P2RY8: variants seen among roughly 807,000 people sequenced by gnomAD.
P2RY8 encodes S-geranylgeranyl-glutathione receptor P2RY8.
In P2RY8, 6 loss-of-function variants were observed where a neutral mutation model predicts 10.0. The ratio of observed to expected loss-of-function variants is 0.60; its 90% CI spans 0.33 to 1.19. The LOEUF is 1.19. P2RY8 is among the 50% of genes most tolerant of loss of function. The probability of loss-of-function intolerance (pLI) is 0.04; values close to 1 mark genes in which losing one functional copy is unlikely to be tolerated. For missense variants in P2RY8, 456 were observed against 542.0 expected, an observed-to-expected ratio of 0.84 and a Z score of 1.58; for synonymous variants, 276 against 252.5, an observed-to-expected ratio of 1.09 and a Z score of -0.88.
At chrX:1,467,197 C>G (rs562529988) in intron 1 of P2RY8, among the ~76,000 whole-genome samples, 2 of 152,238 alleles carry the variant, frequency 1.3e-5, no homozygotes, top group South Asian at 4.1e-4. Context: ...AACACACACT[C>G]CGAGTGCCAG....
At chrX:1,515,693 C>T (rs1425677529) in intron 1 of P2RY8, among the ~76,000 whole-genome samples, 1 of 151,728 alleles carries the variant, frequency 6.6e-6, no homozygotes, top group Non-Finnish European at 1.5e-5. Flanking sequence ...TTCATCACCC[C>T]AAAAAGAAAT....
At position 1,533,626 on chromosome X, in the gene P2RY8, ATTATTATTTACATAT is replaced by A. The variant is rs1260025071; in HGVS notation, c.-25+3280_-25+3294del. 1.8e-3 allele frequency among the ~76,000 whole-genome samples: 210 copies of A among 117,310 alleles called. 2 individuals carry two copies. Among genetic ancestry groups the A allele is most frequent in the Middle Eastern group, 0.016 (2 of 122 alleles). The allele number at this position is 117,310 out of a possible 152,430, so 77.0% of individuals were successfully genotyped here. On this transcript the variant is annotated intron_variant, in intron 1 of 1. Coordinates refer to ENST00000381297, the MANE Select transcript of P2RY8 (RefSeq NM_178129.5). ...ATTTAAATATATTATATATTTATAT[ATTATTATTTACATAT>A]TTATTATTTACATATTTATTATTTA... is the stretch of plus-strand genomic sequence containing the variant.
At chrX:1,480,055 T>C (rs2149383768) in intron 1 of P2RY8, among the ~76,000 whole-genome samples, 1 of 152,210 alleles carries the variant, frequency 6.6e-6, no homozygotes, top group Admixed American at 6.5e-5. Context: ...TTCCCCAACA[T>C]TTAAGGAAGA....
intron 1 of P2RY8, among the ~76,000 whole-genome samples, chrX:1,533,111 A>G (rs1163502375): frequency 6.6e-6 from 1 of 150,636 alleles, no homozygotes; most frequent in Non-Finnish European, 1.5e-5. Flanking sequence ...GATGAGGGAT[A>G]AAAGGCCACA....
chrX:1,482,173 G>C (rs1412926584), intron 1 of P2RY8, among the ~76,000 whole-genome samples: 14 of 148,234 alleles, frequency 9.4e-5, no homozygotes, highest in African/African-American at 3.4e-4. Flanking sequence ...GTGTGTGTGT[G>C]TGTGTGTGTG....
intron 1 of P2RY8, among the ~76,000 whole-genome samples, chrX:1,520,946 G>C (rs1450537800): frequency 6.6e-6 from 1 of 150,428 alleles, no homozygotes; most frequent in East Asian, 2.0e-4. Context: ...TTATCTTCCT[G>C]GTCCCCAATC....
intron 1 of P2RY8, among the ~76,000 whole-genome samples, chrX:1,480,117 A>T (rs766835789): frequency 6.6e-6 from 1 of 152,312 alleles, no homozygotes; most frequent in Non-Finnish European, 1.5e-5. Context: ...CACAGGGAAT[A>T]TCACCAAATA....
chrX:1,517,604 G>A (rs2092360653), intron 1 of P2RY8, among the ~76,000 whole-genome samples: 1 of 152,184 alleles, frequency 6.6e-6, no homozygotes, highest in Non-Finnish European at 1.5e-5. Flanking sequence ...TCTGCAGTGA[G>A]TGAGTCTGTT....
At chrX:1,530,313 C>T (rs1227973182) in intron 1 of P2RY8, among the ~76,000 whole-genome samples, 6 of 148,496 alleles carry the variant, frequency 4.0e-5, no homozygotes, top group African/African-American at 1.5e-4. Flanking sequence ...ATCTATCTGT[C>T]ATCTATCTAT....
chrX:1,482,935 G>T (rs1470291480), intron 1 of P2RY8, among the ~76,000 whole-genome samples: 12 of 151,256 alleles, frequency 7.9e-5, no homozygotes, highest in Non-Finnish European at 1.6e-4. Context: ...ACACACCGGG[G>T]ACTGTTGTGG....
chrX:1,467,403 G>C (rs1316435846), intron 1 of P2RY8, among the ~76,000 whole-genome samples: 1 of 152,122 alleles, frequency 6.6e-6, no homozygotes, highest in Non-Finnish European at 1.5e-5. Context: ...CTGACCCGCC[G>C]GTCCGTGCCC....
intron 1 of P2RY8, among the ~76,000 whole-genome samples, chrX:1,489,787 A>G (rs1294437344): frequency 7.5e-6 from 1 of 133,204 alleles, no homozygotes; most frequent in Non-Finnish European, 1.6e-5. Context: ...TGTAGAGAGA[A>G]TGAATGAATG....
chrX:1,524,673 C>T (rs867188575), intron 1 of P2RY8, among the ~76,000 whole-genome samples: 1,676 of 111,962 alleles, frequency 0.015, 192 homozygotes, highest in African/African-American at 0.053. Flanking sequence ...ATCCATTCAT[C>T]CATCCATCCA....
At chrX:1,501,123 G>C (rs1413902110) in intron 1 of P2RY8, among the ~76,000 whole-genome samples, 15 of 152,148 alleles carry the variant, frequency 9.9e-5, no homozygotes, top group Non-Finnish European at 2.2e-4. Context: ...ATCTTCCAAA[G>C]CTCACAGAGC....
At chrX:1,483,574 C>T (rs1195228268) in intron 1 of P2RY8, among the ~76,000 whole-genome samples, 5 of 152,026 alleles carry the variant, frequency 3.3e-5, no homozygotes, top group South Asian at 2.1e-4. Context: ...GCAGAGGTCG[C>T]GGTGAGCCAA....
intron 1 of P2RY8, among the ~76,000 whole-genome samples, chrX:1,535,781 G>A (rs1410457949): frequency 6.6e-6 from 1 of 151,510 alleles, no homozygotes; most frequent in African/African-American, 2.4e-5. Flanking sequence ...ACAGAGCCAC[G>A]TGACCATGGT....
intron 1 of P2RY8, among the ~76,000 whole-genome samples, chrX:1,520,702 C>T (rs1463461012): frequency 6.6e-6 from 1 of 151,914 alleles, no homozygotes; most frequent in African/African-American, 2.4e-5. Context: ...TCTCCCTGGT[C>T]TCCAATATTC....
At chrX:1,472,612 A>G (rs1419988618) in intron 1 of P2RY8, among the ~76,000 whole-genome samples, 1 of 125,374 alleles carries the variant, frequency 8.0e-6, no homozygotes, top group East Asian at 2.7e-4. Flanking sequence ...TTTAGATAGG[A>G]TGTGTGGGTG....
chrX:1,483,297 A>G, intron 1 of P2RY8, among the ~76,000 whole-genome samples: 1 of 152,088 alleles, frequency 6.6e-6, no homozygotes, highest in East Asian at 1.9e-4. Flanking sequence ...TCCTGCCCGA[A>G]GTCAAAGCTG....
Sources: gnomAD v4.1 joint callset for allele counts (sites outside exome capture counted in the v4.1 genomes callset) on GRCh38, gnomAD v4.1.1 for gene constraint, MANE v1.5 for transcripts, NCBI Gene and HGNC (gene_info 2026-07-23, HGNC 2026-07-21) for gene names.